SGCZ: variants seen among roughly 807,000 people sequenced by gnomAD.
The protein encoded by SGCZ is sarcoglycan zeta, also known as zeta-sarcoglycan.
SGCZ carries 40 observed loss-of-function variants against 41.3 expected under a neutral mutation model. The observed-to-expected ratio is 0.97, with a 90% confidence interval of 0.75 to 1.26. SGCZ has a LOEUF of 1.26. Among genes scored for constraint, SGCZ ranks in the 50% most tolerant of loss-of-function variants. The probability of loss-of-function intolerance (pLI) is 0.00; values close to 1 mark genes in which losing one functional copy is unlikely to be tolerated. For missense variants in SGCZ, 552 were observed against 369.8 expected, an observed-to-expected ratio of 1.49 and a Z score of -4.04; for synonymous variants, 206 against 137.5, an observed-to-expected ratio of 1.50 and a Z score of -3.49.
chr8:15,011,871 G>A (rs1036410345), intron 1 of SGCZ, among the ~76,000 whole-genome samples: 1 of 152,078 alleles, frequency 6.6e-6, no homozygotes, highest in African/African-American at 2.4e-5. Flanking sequence ...AATTATCGGT[G>A]CATTTGTACT....
At chr8:15,180,447 T>TA (rs767328510) in intron 1 of SGCZ, among the ~76,000 whole-genome samples, 1 of 152,210 alleles carries the variant, frequency 6.6e-6, no homozygotes, top group Non-Finnish European at 1.5e-5. Flanking sequence ...AAGGAAGACT[T>TA]AGTCTGGAAA....
intron 1 of SGCZ, among the ~76,000 whole-genome samples, chr8:14,604,782 A>T (rs1054640456): frequency 2.0e-5 from 3 of 152,172 alleles, no homozygotes; most frequent in Non-Finnish European, 2.9e-5. Flanking sequence ...GCTGATATCA[A>T]AGAAGAAATA....
At chr8:14,689,386 A>C (rs1366186753) in intron 1 of SGCZ, among the ~76,000 whole-genome samples, 2 of 152,180 alleles carry the variant, frequency 1.3e-5, no homozygotes, top group Non-Finnish European at 2.9e-5. Flanking sequence ...GCAAATTATA[A>C]AGATGTATAT....
intron 1 of SGCZ, among the ~76,000 whole-genome samples, chr8:14,632,529 G>A (rs1362651394): frequency 6.6e-6 from 1 of 152,092 alleles, no homozygotes; most frequent in Non-Finnish European, 1.5e-5. Context: ...GTTGTGAAAT[G>A]TGTATCCCTA....
In SGCZ at chr8:14,916,341, A is replaced by G. The variant is rs532931423; in HGVS notation, c.39+321244T>C. ...CCCAAATCACATTTCTTACTCAGGAAAGCCCGAAGTTTCAGCACCTCAAAT... is the reference window on the plus strand; with the variant it reads ...CCCAAATCACATTTCTTACTCAGGAGAGCCCGAAGTTTCAGCACCTCAAAT... On this transcript the variant is annotated intron_variant, in intron 1 of 7. Transcript: ENST00000382080. Among the ~76,000 whole-genome samples, 3 of 152,340 alleles carry G rather than the reference A, an allele frequency of 2.0e-5. No homozygotes were observed. The South Asian group carries it at 6.2e-4, about 32-fold the overall frequency.
intron 1 of SGCZ, among the ~76,000 whole-genome samples, chr8:14,908,548 G>C (rs761780465): frequency 6.6e-6 from 1 of 151,992 alleles, no homozygotes; most frequent in Non-Finnish European, 1.5e-5. Context: ...TCAGCAGTTC[G>C]AGACCAGCCT....
At chr8:14,497,038 A>T (rs1048687322) in intron 2 of SGCZ, among the ~76,000 whole-genome samples, 3 of 152,196 alleles carry the variant, frequency 2.0e-5, no homozygotes, top group Non-Finnish European at 2.9e-5. Flanking sequence ...TAGAATTAAC[A>T]CTGACATCCA....
At chr8:14,407,962 T>C (rs1394892448) in intron 2 of SGCZ, among the ~76,000 whole-genome samples, 4 of 152,198 alleles carry the variant, frequency 2.6e-5, no homozygotes, top group Non-Finnish European at 5.9e-5. Context: ...TGTGTCAAAG[T>C]ATATATCATA....
intron 1 of SGCZ, among the ~76,000 whole-genome samples, chr8:15,097,888 G>GTATATATATATACACGTGTATATATATA (rs1563124124): frequency 1.7e-5 from 2 of 120,658 alleles, no homozygotes; most frequent in African/African-American, 6.9e-5. Context: ...ATATACGTGT[G>GTATATATATATACACGTGTATATATATA]TATATATATA....
chr8:14,629,135 A>G (rs1806560396), intron 1 of SGCZ, among the ~76,000 whole-genome samples: 1 of 152,148 alleles, frequency 6.6e-6, no homozygotes, highest in African/African-American at 2.4e-5. Flanking sequence ...TGAAGCCCCT[A>G]TATCCAGGTA....
At chr8:14,863,546 A>G (rs1018285970) in intron 1 of SGCZ, among the ~76,000 whole-genome samples, 4 of 152,118 alleles carry the variant, frequency 2.6e-5, no homozygotes, top group African/African-American at 9.7e-5. Flanking sequence ...GTCACCTAGA[A>G]AGAAGATAAA....
chr8:14,985,300 G>T (rs1359684188), intron 1 of SGCZ, among the ~76,000 whole-genome samples: 2 of 152,042 alleles, frequency 1.3e-5, no homozygotes, highest in Non-Finnish European at 2.9e-5. Context: ...CACTGAAGCT[G>T]GTGACAGCAT....
At chr8:14,236,715 G>A (rs1316938246) in intron 4 of SGCZ, among the ~76,000 whole-genome samples, 2 of 151,406 alleles carry the variant, frequency 1.3e-5, no homozygotes, top group Non-Finnish European at 3.0e-5. Flanking sequence ...GATATGTAAT[G>A]TTTATGGTAA....
In SGCZ at chr8:14,204,272, C is replaced by T. The variant is rs1481454954; in HGVS notation, c.424+33320G>A. Among the ~76,000 whole-genome samples, 80 of 123,488 alleles carry T rather than the reference C, an allele frequency of 6.5e-4. 1 individual carries two copies. The highest frequency in any genetic ancestry group is 1.1e-4 in the Non-Finnish European group (7 of 62,312). 81.0% of individuals were successfully genotyped at this position (123,488 alleles called of 152,430 possible). A position where few individuals can be genotyped will look rare whatever the true frequency, so the allele number is the denominator to read the frequency against. ...TGCTATTTGGGTTCTTCTCACTTCA[C>T]TCTGAATGTTTTTTTTTTTTTCTTG... On this transcript the variant is annotated intron_variant, in intron 4 of 7. Coordinates refer to ENST00000382080, the MANE Select transcript of SGCZ (RefSeq NM_139167.4).
intron 5 of SGCZ, among the ~76,000 whole-genome samples, chr8:14,139,813 G>C (rs1803311424): frequency 6.6e-6 from 1 of 152,108 alleles, no homozygotes. Flanking sequence ...GAAAAAGAGG[G>C]AATCCTCCCT....
chr8:15,114,059 C>G (rs780978764), intron 1 of SGCZ, among the ~76,000 whole-genome samples: 8 of 152,194 alleles, frequency 5.3e-5, no homozygotes, highest in Admixed American at 1.3e-4. Flanking sequence ...ATTAGAGAAA[C>G]AGATCTCATG....
At chr8:14,853,547 T>C in intron 1 of SGCZ, 1 of 521,488 alleles carries the variant, frequency 1.9e-6, no homozygotes. Context: ...CTTGATAAAT[T>C]ATGCAAACAT....
chr8:14,448,363 A>G (rs1301412337), intron 2 of SGCZ, among the ~76,000 whole-genome samples: 2 of 152,180 alleles, frequency 1.3e-5, no homozygotes, highest in African/African-American at 2.4e-5. Flanking sequence ...ACAGGTGCCA[A>G]TTTCCTCTGG....
intron 1 of SGCZ, among the ~76,000 whole-genome samples, chr8:14,848,210 A>C (rs999821384): frequency 7.9e-5 from 12 of 152,170 alleles, no homozygotes; most frequent in African/African-American, 2.9e-4. Context: ...GAAATGAAAG[A>C]GGGCAAAATA....
Sources: allele counts gnomAD v4.1 joint callset (sites outside exome capture counted in the v4.1 genomes callset), GRCh38; gene constraint gnomAD v4.1.1; transcripts MANE v1.5; gene names NCBI Gene and HGNC (gene_info 2026-07-23, HGNC 2026-07-21).